The following CACNB2 variants were observed in gnomAD, a reference collection of about 807,000 sequenced individuals.
CACNB2 encodes the protein calcium voltage-gated channel auxiliary subunit beta 2, also known as voltage-dependent L-type calcium channel subunit beta-2.
Under a neutral mutation model 73.3 loss-of-function variants are expected in CACNB2, and 42 were observed. That is an observed-to-expected ratio of 0.57 (90% CI 0.45 to 0.74). The LOEUF (loss-of-function observed/expected upper bound fraction) is 0.74, where lower values mean the gene tolerates loss of function less well. Among genes scored for constraint, CACNB2 ranks in the 30% least tolerant of loss-of-function variants. The probability of loss-of-function intolerance (pLI) is 0.00; values close to 1 mark genes in which losing one functional copy is unlikely to be tolerated. For missense variants in CACNB2, 940 were observed against 853.0 expected (o/e 1.10, Z -1.27); for synonymous variants, 348 against 310.3 (o/e 1.12, Z -1.28).
At chr10:18,511,476 A>C (rs748703606) in intron 6 of CACNB2, among the ~76,000 whole-genome samples, 1 of 152,228 alleles carries the variant, frequency 6.6e-6, no homozygotes, top group South Asian at 2.1e-4. Flanking sequence ...AGGTTAGAAG[A>C]AGCTGCTGTG....
chr10:18,264,860 TA>T (rs2037719498), intron 2 of CACNB2, among the ~76,000 whole-genome samples: 1 of 152,216 alleles, frequency 6.6e-6, no homozygotes, highest in African/African-American at 2.4e-5. Context: ...TGTGAATGTT[TA>T]TGTATGCATT....
intron 3 of CACNB2, among the ~76,000 whole-genome samples, chr10:18,441,202 G>A (rs1372277884): frequency 1.3e-5 from 2 of 151,998 alleles, no homozygotes; most frequent in South Asian, 2.1e-4. Flanking sequence ...TCAGGAGGTC[G>A]AGACCATCCT....
chr10:18,177,650 A>AG (rs1285823224), intron 2 of CACNB2, among the ~76,000 whole-genome samples: 1 of 152,052 alleles, frequency 6.6e-6, no homozygotes, highest in East Asian at 1.9e-4. Context: ...AAAGGAGGAC[A>AG]GGCAGGCAGT....
At chr10:18,411,318 G>A (rs1354445430) in intron 3 of CACNB2, among the ~76,000 whole-genome samples, 5 of 152,070 alleles carry the variant, frequency 3.3e-5, no homozygotes, top group African/African-American at 1.2e-4. Flanking sequence ...CTTCCCTGTT[G>A]ACATATACTT....
intron 2 of CACNB2, among the ~76,000 whole-genome samples, chr10:18,235,786 C>T (rs557221734): frequency 8.0e-4 from 122 of 151,992 alleles, no homozygotes; most frequent in Non-Finnish European, 1.3e-3. Flanking sequence ...ACAGCAGCCA[C>T]GGAGGTATGG....
intron 2 of CACNB2, among the ~76,000 whole-genome samples, chr10:18,338,044 AC>A (rs1464801227): frequency 6.6e-6 from 1 of 152,226 alleles, no homozygotes; most frequent in African/African-American, 2.4e-5. Flanking sequence ...AGCTCAGGCA[AC>A]AAAAACAAAA....
intron 2 of CACNB2, chr10:18,260,687 G>T (rs2037496712): frequency 2.0e-6 from 2 of 991,734 alleles, no homozygotes; most frequent in African/African-American, 1.7e-5. Flanking sequence ...CGTTACAGAG[G>T]TAACAGTGAA....
intron 2 of CACNB2, among the ~76,000 whole-genome samples, chr10:18,370,496 C>T (rs957483317): frequency 1.1e-4 from 16 of 152,284 alleles, no homozygotes; most frequent in African/African-American, 1.7e-4. Context: ...GACAGGGTTT[C>T]GCCATGTTGG....
At chr10:18,409,637 A>T (rs2044504248) in intron 3 of CACNB2, among the ~76,000 whole-genome samples, 1 of 152,218 alleles carries the variant, frequency 6.6e-6, no homozygotes, top group South Asian at 2.1e-4. Flanking sequence ...TGTAAAGCTG[A>T]TTGGAAGCTC....
At chr10:18,386,617 A>G (rs2132415697) in intron 2 of CACNB2, among the ~76,000 whole-genome samples, 1 of 152,112 alleles carries the variant, frequency 6.6e-6, no homozygotes, top group East Asian at 1.9e-4. Context: ...CGTGTTAGCC[A>G]GGACGGTCTC....
chr10:18,397,938 G>GAA (rs2043798945), intron 2 of CACNB2, among the ~76,000 whole-genome samples: 1 of 152,104 alleles, frequency 6.6e-6, no homozygotes, highest in South Asian at 2.1e-4. Context: ...TTAAGATGTA[G>GAA]AAAAGGAAAT....
intron 4 of CACNB2, among the ~76,000 whole-genome samples, chr10:18,499,728 G>A (rs928722166): frequency 2.0e-4 from 20 of 102,396 alleles, no homozygotes; most frequent in African/African-American, 6.5e-4. Context: ...ATGCTTCCAA[G>A]CATTTTGGAA....
Position 18,140,692 on chromosome 10 carries a change from C to G in CACNB2, c.-45C>G. ...AGGCGGGGGCGAGGAGGAGGGGACC[C>G]GCCGCCGGGGGCTGGCTGCTTCGCT... is the stretch of plus-strand genomic sequence containing the variant. On this transcript the variant is annotated 5_prime_UTR_variant, in exon 1 of 14. Transcript: ENST00000324631. The G allele has an allele frequency of 6.4e-7, 1 of 1,552,510 alleles. No individual in the cohort carries two copies. Among genetic ancestry groups the G allele is most frequent in the Non-Finnish European group, 8.8e-7 (1 of 1,141,320 alleles).
At chr10:18,184,829 G>C (rs756176830) in intron 2 of CACNB2, among the ~76,000 whole-genome samples, 1 of 151,812 alleles carries the variant, frequency 6.6e-6, no homozygotes, top group Non-Finnish European at 1.5e-5. Flanking sequence ...CCATCACCTC[G>C]GTATTAAGCC....
chr10:18,306,849 A>G (rs1304090957), intron 2 of CACNB2, among the ~76,000 whole-genome samples: 1 of 152,134 alleles, frequency 6.6e-6, no homozygotes, highest in Non-Finnish European at 1.5e-5. Context: ...GGAAAAGCTA[A>G]GTGTAGGTTT....
chr10:18,149,574 G>T (rs543145944), intron 1 of CACNB2, among the ~76,000 whole-genome samples: 405 of 152,158 alleles, frequency 2.7e-3, no homozygotes, highest in Non-Finnish European at 4.1e-3. Context: ...TACTCATAAC[G>T]CAAATGTTTG....
chr10:18,238,447 T>C (rs1156529823), intron 2 of CACNB2: 1 of 152,200 alleles, frequency 6.6e-6, no homozygotes, highest in Non-Finnish European at 1.5e-5. Flanking sequence ...CTTCATTCTT[T>C]TCATTTTTCT....
At chr10:18,291,058 TCAA>T (rs893605132) in intron 2 of CACNB2, among the ~76,000 whole-genome samples, 12 of 152,162 alleles carry the variant, frequency 7.9e-5, no homozygotes, top group African/African-American at 2.9e-4. Context: ...AGCGGTTTCA[TCAA>T]CAACAGGTGC....
intron 3 of CACNB2, among the ~76,000 whole-genome samples, chr10:18,484,451 C>G (rs966370392): frequency 6.6e-6 from 1 of 151,720 alleles, no homozygotes; most frequent in Non-Finnish European, 1.5e-5. Flanking sequence ...AATGGGAGAG[C>G]TAAGTGAGTG....
Sources: gnomAD v4.1 joint callset for allele counts (sites outside exome capture counted in the v4.1 genomes callset) on GRCh38, gnomAD v4.1.1 for gene constraint, MANE v1.5 for transcripts, NCBI Gene and HGNC (gene_info 2026-07-23, HGNC 2026-07-21) for gene names.